PAPPA: variants seen among roughly 807,000 people sequenced by gnomAD.
PAPPA encodes pappalysin-1.
Under a neutral mutation model 164.0 loss-of-function variants are expected in PAPPA, and 60 were observed. That is an observed-to-expected ratio of 0.37 (90% CI 0.30 to 0.45). The LOEUF (loss-of-function observed/expected upper bound fraction) is 0.45, where lower values mean the gene tolerates loss of function less well. Among genes scored for constraint, PAPPA ranks in the 20% least tolerant of loss-of-function variants. PAPPA has a pLI of 1.00. For missense variants in PAPPA, 1,782 were observed against 2,087.3 expected, an observed-to-expected ratio of 0.85 and a Z score of 2.85; for synonymous variants, 875 against 814.1, an observed-to-expected ratio of 1.07 and a Z score of -1.27.
intron 7 of PAPPA, among the ~76,000 whole-genome samples, chr9:116,237,672 C>G (rs1276697432): frequency 1.3e-5 from 2 of 152,038 alleles, no homozygotes; most frequent in Non-Finnish European, 2.9e-5. Flanking sequence ...CTTCCGATGC[C>G]TCAACTTTGC....
chr9:116,311,642 C>T (rs927271655), intron 10 of PAPPA, among the ~76,000 whole-genome samples: 3 of 152,172 alleles, frequency 2.0e-5, no homozygotes, highest in African/African-American at 7.2e-5. Context: ...CGAATGATTT[C>T]AGTTTTCTGA....
intron 2 of PAPPA, among the ~76,000 whole-genome samples, chr9:116,198,150 A>G (rs1844129570): frequency 6.6e-6 from 1 of 152,170 alleles, no homozygotes. Context: ...CCAAGAAGGA[A>G]GTGAGGTGGT....
chr9:116,339,453 G>A (rs1384503279), intron 13 of PAPPA, among the ~76,000 whole-genome samples: 1 of 152,064 alleles, frequency 6.6e-6, no homozygotes, highest in East Asian at 1.9e-4. Flanking sequence ...CAATACACTG[G>A]CGCCTAGAAA....
rs1847013194 is a variant in PAPPA at position 116,399,294 on chromosome 9, A to G, written c.*2678A>G. 1 of 152,624 alleles carries G rather than the reference A, an allele frequency of 6.6e-6. No individual in the cohort carries two copies. The highest frequency in any genetic ancestry group is 2.4e-5 in the African/African-American group (1 of 41,428). The allele number at this position is 152,624 out of a possible 1,614,324, so 9.5% of individuals were successfully genotyped here. Reference sequence around the variant, plus strand: ...TCAGACCTGTTGCTAACAAATTTATATTTGCCAAGGATATTAGGCAAAAGA... The same window carrying G: ...TCAGACCTGTTGCTAACAAATTTATGTTTGCCAAGGATATTAGGCAAAAGA... On this transcript the variant is annotated 3_prime_UTR_variant, in exon 22 of 22. Coordinates refer to ENST00000328252, the MANE Select transcript of PAPPA (RefSeq NM_002581.5).
In PAPPA at chr9:116,352,752, C is replaced by T. The variant is rs752953056; in HGVS notation, c.4011C>T (p.Phe1337=). ...GCATGGAGGATGGGCTGTGGTCCTT[C>T]CCAGAGGCCCTGTGTGAGCTCATGT... is the stretch of plus-strand genomic sequence containing the variant. ...LTCMEDGLWS[F]PEALCELMCL... is the part of the protein sequence containing the mutation. The change falls in exon 16 of 22, where the codon TTC becomes TTT. Residue 1337 remains phenylalanine, a synonymous_variant. Coordinates refer to ENST00000328252, the MANE Select transcript of PAPPA (RefSeq NM_002581.5). 6 of 1,613,662 alleles carry T rather than the reference C, an allele frequency of 3.7e-6. No homozygotes were observed. The highest frequency in any genetic ancestry group is 5.1e-6 in the Non-Finnish European group (6 of 1,180,010).
rs191684378 is a variant in PAPPA, at chr9:116,229,563, A to T, written c.2233+2011A>T. On this transcript the variant is annotated intron_variant, in intron 6 of 21. Transcript: ENST00000328252. Reference sequence around the variant, plus strand: ...GTTTAAGTAGGTTCAGAACATGTAAAACAAGGTAGAGGTGGCAGAGGTAAG... The same window carrying T: ...GTTTAAGTAGGTTCAGAACATGTAATACAAGGTAGAGGTGGCAGAGGTAAG... Among the ~76,000 whole-genome samples, 569 of 152,366 alleles carry T rather than the reference A, an allele frequency of 3.7e-3. 2 individuals carry two copies. Among genetic ancestry groups the T allele is most frequent in the Non-Finnish European group, 6.3e-3 (428 of 68,038 alleles).
chr9:116,306,550 T>A (rs533259589), intron 10 of PAPPA, among the ~76,000 whole-genome samples: 2 of 152,172 alleles, frequency 1.3e-5, no homozygotes, highest in East Asian at 1.9e-4. Flanking sequence ...ATAAGAGACA[T>A]TCTTTGGATA....
chr9:116,186,016 A>G (rs930016068), intron 1 of PAPPA, among the ~76,000 whole-genome samples: 10 of 152,058 alleles, frequency 6.6e-5, no homozygotes, highest in African/African-American at 2.2e-4. Context: ...ATCTCCTTTA[A>G]CTTCCATATT....
chr9:116,233,476 A>G lies in PAPPA; in HGVS notation c.2234-1663A>G, dbSNP rs534201510. Among the ~76,000 whole-genome samples, 148 of 152,336 alleles carry G rather than the reference A, an allele frequency of 9.7e-4. 1 individual carries two copies. Among genetic ancestry groups the G allele is most frequent in the African/African-American group, 3.3e-3 (138 of 41,580 alleles). ...CTACTTGTGTTTTACACCCTAAACT[A>G]AAGGTTGCTTTGAGCCAGCAGTTAC... On this transcript the variant is annotated intron_variant, in intron 6 of 21. Transcript: ENST00000328252.
chr9:116,241,770 G>A (rs1844738422), intron 7 of PAPPA, among the ~76,000 whole-genome samples: 1 of 152,126 alleles, frequency 6.6e-6, no homozygotes, highest in African/African-American at 2.4e-5. Flanking sequence ...AGCCTCAGAG[G>A]ATTTGGAAAG....
At chr9:116,332,491 G>C in intron 12 of PAPPA, 23 bp downstream of exon 12, 1 of 1,594,744 alleles carries the variant, frequency 6.3e-7, no homozygotes, top group South Asian at 1.1e-5. Context: ...TCTTGGTCTT[G>C]GCTTGCTTTC....
At chr9:116,355,880 T>A (rs759467019) in intron 17 of PAPPA, among the ~76,000 whole-genome samples, 1 of 152,130 alleles carries the variant, frequency 6.6e-6, no homozygotes, top group Non-Finnish European at 1.5e-5. Flanking sequence ...CCTAATACAA[T>A]TGACGTTTCT....
chr9:116,298,064 T>C (rs981093416), intron 9 of PAPPA, among the ~76,000 whole-genome samples: 3 of 152,234 alleles, frequency 2.0e-5, no homozygotes, highest in African/African-American at 7.2e-5. Context: ...ACAATAGCTC[T>C]AACCTGAGCC....
At chr9:116,353,001 T>C (rs1846304500) in intron 16 of PAPPA, 85 bp downstream of exon 16, 1 of 953,392 alleles carries the variant, frequency 1.0e-6, no homozygotes, top group African/African-American at 1.6e-5. Flanking sequence ...AAGCACTCAT[T>C]TCTTCACTGG....
intron 1 of PAPPA, among the ~76,000 whole-genome samples, chr9:116,184,864 C>A (rs1480925888): frequency 6.6e-6 from 1 of 152,038 alleles, no homozygotes; most frequent in African/African-American, 2.4e-5. Context: ...AGAATCATTC[C>A]CATGCCTGCT....
chr9:116,197,952 G>A (rs2118653659), intron 2 of PAPPA, among the ~76,000 whole-genome samples: 1 of 152,304 alleles, frequency 6.6e-6, no homozygotes. Context: ...AAAGTCTAGA[G>A]CCAAACTATG....
rs146299809 is a variant in PAPPA at position 116,159,031 on chromosome 9, T to C, written c.415+4444T>C. Among the ~76,000 whole-genome samples the C allele has an allele frequency of 2.6e-3, 402 of 152,326 alleles. 4 individuals are homozygous for C. The highest frequency in any genetic ancestry group is 0.021 in the East Asian group (108 of 5,190). On this transcript the variant is annotated intron_variant, in intron 1 of 21. Coordinates refer to ENST00000328252, the MANE Select transcript of PAPPA (RefSeq NM_002581.5). Reference sequence around the variant, plus strand: ...TCTGCATCTCTATGTGTCAACCATATACCTACAGATCGAAGAGGGTGAGAA... The same window carrying C: ...TCTGCATCTCTATGTGTCAACCATACACCTACAGATCGAAGAGGGTGAGAA...
intron 10 of PAPPA, among the ~76,000 whole-genome samples, chr9:116,305,363 AGCTGGGAG>A (rs1437863896): frequency 1.3e-5 from 2 of 151,842 alleles, no homozygotes; most frequent in African/African-American, 4.8e-5. Context: ...TGAGAGGAGG[AGCTGGGAG>A]GCTCTTAGAA....
chr9:116,229,040 G>T (rs1844552228), intron 6 of PAPPA, among the ~76,000 whole-genome samples: 1 of 152,094 alleles, frequency 6.6e-6, no homozygotes, highest in Non-Finnish European at 1.5e-5. Context: ...AGGGAAGTCA[G>T]ATAAGTAAAT....
Sources: gnomAD v4.1 joint callset for allele counts (sites outside exome capture counted in the v4.1 genomes callset) on GRCh38, gnomAD v4.1.1 for gene constraint, MANE v1.5 for transcripts, NCBI Gene and HGNC (gene_info 2026-07-23, HGNC 2026-07-21) for gene names.